PLXNC1: variants seen among roughly 807,000 people sequenced by gnomAD.
PLXNC1 encodes plexin C1.
Under a neutral mutation model 178.2 loss-of-function variants are expected in PLXNC1, and 75 were observed. The observed-to-expected ratio is 0.42, with a 90% CI of 0.35 to 0.51. PLXNC1 has a LOEUF of 0.51. Among genes scored for constraint, PLXNC1 ranks in the 20% least tolerant of loss-of-function variants. PLXNC1 has a pLI of 0.02. For synonymous variants in PLXNC1, 790 were observed against 779.9 expected, an observed-to-expected ratio of 1.01 and a Z score of -0.22; for missense variants, 1,503 against 1,984.4, an observed-to-expected ratio of 0.76 and a Z score of 4.61.
intron 28 of PLXNC1, among the ~76,000 whole-genome samples, chr12:94,303,046 C>T (rs1593020287): frequency 6.6e-6 from 1 of 152,172 alleles, no homozygotes; most frequent in Non-Finnish European, 1.5e-5. Flanking sequence ...CATTAACTTA[C>T]CTATCTTCCC....
chr12:94,159,413 G>A (rs987362059), intron 1 of PLXNC1, among the ~76,000 whole-genome samples: 1 of 152,192 alleles, frequency 6.6e-6, no homozygotes, highest in Non-Finnish European at 1.5e-5. Context: ...TAAGGAGGCC[G>A]AATTGACACC....
intron 12 of PLXNC1, among the ~76,000 whole-genome samples, chr12:94,245,274 T>C (rs1007330532): frequency 3.3e-5 from 5 of 152,202 alleles, no homozygotes; most frequent in African/African-American, 7.2e-5. Context: ...CCAAATCAAG[T>C]TGAATTTTTT....
At chr12:94,212,087 A>G (rs985049000) in intron 5 of PLXNC1, among the ~76,000 whole-genome samples, 5 of 151,874 alleles carry the variant, frequency 3.3e-5, no homozygotes, top group Non-Finnish European at 5.9e-5. Context: ...ACCCCGGCTA[A>G]AACGGTGAAA....
chr12:94,215,197 C>T (rs138372234), intron 5 of PLXNC1, among the ~76,000 whole-genome samples: 1 of 152,244 alleles, frequency 6.6e-6, no homozygotes, highest in East Asian at 1.9e-4. Context: ...CGTGCCCAGC[C>T]TTAAGGCTAT....
chr12:94,222,201 G>C (rs1963814998), intron 6 of PLXNC1, among the ~76,000 whole-genome samples: 1 of 152,134 alleles, frequency 6.6e-6, no homozygotes. Context: ...TAAAGTATTT[G>C]AGATCACCTT....
rs781262518 is a variant in PLXNC1 at position 94,305,220 on chromosome 12, G to A, written c.4642G>A (p.Ala1548Thr). 1 of 1,611,322 alleles carries A rather than the reference G, an allele frequency of 6.2e-7. No homozygotes were observed. The highest frequency in any genetic ancestry group is 8.5e-7 in the Non-Finnish European group (1 of 1,178,086). Reference protein sequence around the residue: ...KLERERGLEEAQKQLLHVKVL... With the variant: ...KLERERGLEETQKQLLHVKVL... ...AGAAAGAGAACGAGGGCTGGAAGAA[G>A]CTCAGAAACAACTCTTGCATGTAAA... Residue 1548 changes from alanine to threonine, a missense_variant, in exon 31 of 31, where the codon GCT becomes ACT. By Grantham distance (58) the Ala-to-Thr change is moderately conservative. Transcript: ENST00000258526.
chr12:94,262,807 A>G (rs1235566070), intron 20 of PLXNC1: 1 of 979,472 alleles, frequency 1.0e-6, no homozygotes, highest in African/African-American at 1.8e-5. Flanking sequence ...GGGTAAAATA[A>G]TAATACCATT....
At chr12:94,202,810 A>G (rs1265652618) in intron 4 of PLXNC1, among the ~76,000 whole-genome samples, 1 of 152,156 alleles carries the variant, frequency 6.6e-6, no homozygotes, top group African/African-American at 2.4e-5. Flanking sequence ...TTACCTGGGG[A>G]TGAGTTTGAA....
intron 5 of PLXNC1, 142 bp downstream of exon 5, chr12:94,209,846 G>C (rs1007777793): frequency 2.9e-5 from 17 of 582,724 alleles, no homozygotes; most frequent in African/African-American, 2.4e-4. Context: ...ACTCATTAAC[G>C]AATATTGAGT....
intron 2 of PLXNC1, among the ~76,000 whole-genome samples, chr12:94,172,203 C>T (rs757792351): frequency 2.6e-5 from 4 of 152,200 alleles, no homozygotes; most frequent in Non-Finnish European, 5.9e-5. Context: ...CTCAACCCAA[C>T]GCAGACAGTA....
chr12:94,166,524 GTATTATTAT>G (rs55733946), intron 1 of PLXNC1, among the ~76,000 whole-genome samples: 77,338 of 143,894 alleles, frequency 0.54, 21,186 homozygotes, highest in East Asian at 0.77. Flanking sequence ...ATGTTAGCTG[GTATTATTAT>G]TATTATTATT....
intron 2 of PLXNC1, among the ~76,000 whole-genome samples, chr12:94,172,068 A>C (rs112679314): frequency 6.6e-6 from 1 of 152,214 alleles, no homozygotes; most frequent in African/African-American, 2.4e-5. Flanking sequence ...TTTATTCAGA[A>C]GCTTTCAGCT....
intron 21 of PLXNC1, among the ~76,000 whole-genome samples, chr12:94,267,493 AG>A (rs1194052328): frequency 6.6e-6 from 1 of 152,148 alleles, no homozygotes; most frequent in Non-Finnish European, 1.5e-5. Flanking sequence ...CCTGGGGAAA[AG>A]GGTAATGGAA....
In PLXNC1 at chr12:94,212,910, G is replaced by A. The variant is rs557306579; in HGVS notation, c.1554+3206G>A. ...AATTTTTTGTATTTTTAGTAGAGAT[G>A]GGGTTTCACCGTGTTGGCCAAGATG... On this transcript the variant is annotated intron_variant, in intron 5 of 30. Transcript: ENST00000258526. Among the ~76,000 whole-genome samples the A allele has an allele frequency of 7.0e-4, 106 of 152,086 alleles. 1 individual carries two copies. The highest frequency in any genetic ancestry group is 2.4e-3 in the African/African-American group (101 of 41,508).
At chr12:94,281,626 G>T (rs1966448787) in intron 22 of PLXNC1, among the ~76,000 whole-genome samples, 1 of 151,918 alleles carries the variant, frequency 6.6e-6, no homozygotes, top group Non-Finnish European at 1.5e-5. Context: ...TCACTATGTT[G>T]CCCAGGCTGG....
At chr12:94,210,091 T>G (rs1337515564) in intron 5 of PLXNC1, among the ~76,000 whole-genome samples, 1 of 128,806 alleles carries the variant, frequency 7.8e-6, no homozygotes, top group Non-Finnish European at 1.8e-5. Flanking sequence ...GTGGCTTAAT[T>G]GCAGAATTTT....
rs764143217 is a variant in PLXNC1 at position 94,297,293 on chromosome 12, C to T, written c.3967-23C>T. ...TAGCAAGAGTGGTCTCCTTGGGTAACGCTTCTGCTGTCTTCCCTTCAGATT... is the reference window on the plus strand; with the variant it reads ...TAGCAAGAGTGGTCTCCTTGGGTAATGCTTCTGCTGTCTTCCCTTCAGATT... On this transcript the variant is annotated intron_variant, in intron 25 of 30. Coordinates refer to ENST00000258526, the MANE Select transcript of PLXNC1 (RefSeq NM_005761.3). 16 of 1,612,132 alleles carry T rather than the reference C, an allele frequency of 9.9e-6. No individual in the cohort carries two copies. The East Asian group carries it at 1.3e-4, about 13-fold the overall frequency.
At chr12:94,225,890 T>G (rs1344525906) in intron 7 of PLXNC1, among the ~76,000 whole-genome samples, 1 of 152,212 alleles carries the variant, frequency 6.6e-6, no homozygotes, top group Admixed American at 6.5e-5. Flanking sequence ...GATCAGAATC[T>G]CAGAATGTTT....
At position 94,248,648 on chromosome 12, in the gene PLXNC1, A is replaced by G. The variant is rs116386376; in HGVS notation, c.2778+236A>G. Among the ~76,000 whole-genome samples, 547 of 152,310 alleles carry G rather than the reference A, an allele frequency of 3.6e-3. 7 individuals carry two copies. The highest frequency in any genetic ancestry group is 0.012 in the African/African-American group (511 of 41,570). ...TGGACACACCATTGTCTATAATCCT[A>G]ATGAGTCTTGATAGCTTTTGTTCTA... On this transcript the variant is annotated intron_variant, in intron 14 of 30. Transcript: ENST00000258526.
Sources: allele counts gnomAD v4.1 joint callset (sites outside exome capture counted in the v4.1 genomes callset), GRCh38; gene constraint gnomAD v4.1.1; transcripts MANE v1.5; gene names NCBI Gene and HGNC (gene_info 2026-07-23, HGNC 2026-07-21).